Variants in LUC7L3 observed in about 807,000 individuals in gnomAD.
LUC7L3 encodes the protein luc7-like protein 3.
In LUC7L3, 6 loss-of-function variants were observed where a neutral mutation model predicts 66.8. That is an observed-to-expected ratio of 0.09 (90% CI 0.05 to 0.18). LUC7L3 has a LOEUF of 0.18. LUC7L3 is among the 10% of genes least tolerant of loss of function. The pLI is 1.00. For missense variants in LUC7L3, 341 were observed against 531.1 expected, an observed-to-expected ratio of 0.64 and a Z score of 3.52; for synonymous variants, 160 against 174.7, an observed-to-expected ratio of 0.92 and a Z score of 0.66.
chr17:50,744,555 T>G (rs1232390601), intron 6 of LUC7L3, 97 bp from the exon 7 acceptor site: 1 of 1,132,746 alleles, frequency 8.8e-7, no homozygotes, highest in African/African-American at 1.6e-5. Flanking sequence ...AAAGAGCAAT[T>G]CACACACATT....
chr17:50,745,635 C>A, intron 7 of LUC7L3, 85 bp from the exon 8 acceptor site: 1 of 1,051,348 alleles, frequency 9.5e-7, no homozygotes, highest in Non-Finnish European at 1.4e-6. Flanking sequence ...ATAAGTTGGT[C>A]TACAGATAAC....
intron 2 of LUC7L3, among the ~76,000 whole-genome samples, chr17:50,739,070 T>G (rs1970177097): frequency 1.3e-5 from 2 of 152,100 alleles, no homozygotes; most frequent in South Asian, 4.2e-4. Flanking sequence ...CTCAACTGAT[T>G]TATCTCCCAC....
chr17:50,745,830 A>G lies in LUC7L3; in HGVS notation c.804A>G (p.Arg268=). Residue 268 remains arginine (R), a synonymous_variant, in exon 8 of 10, where the codon AGA becomes AGG. Coordinates refer to ENST00000505658, the MANE Select transcript of LUC7L3 (RefSeq NM_016424.5). ...EKEREREREE[R]ERKRRREEEE... ...AACGGGAGAGAGAAAGGGAAGAAAG[A>G]GAAAGGAAAAGACGAAGGGAAGAGG... is the stretch of plus-strand genomic sequence containing the variant. 2 of 1,586,270 alleles carry G rather than the reference A, an allele frequency of 1.3e-6. No individual in the cohort carries two copies. The highest frequency in any genetic ancestry group is 1.7e-6 in the Non-Finnish European group (2 of 1,159,790).
chr17:50,745,184 G>A (rs1460539752), intron 7 of LUC7L3, among the ~76,000 whole-genome samples: 2 of 151,870 alleles, frequency 1.3e-5, no homozygotes, highest in Admixed American at 1.3e-4. Context: ...ATAGAGACGG[G>A]GTTTTTTCCT....
chr17:50,733,523 T>C (rs1179207469), intron 1 of LUC7L3, among the ~76,000 whole-genome samples: 1 of 149,842 alleles, frequency 6.7e-6, no homozygotes, highest in African/African-American at 2.5e-5. Flanking sequence ...TGCCTCAGCC[T>C]CCCGAGTAGC....
chr17:50,725,263 A>G (rs1159398422), intron 1 of LUC7L3, among the ~76,000 whole-genome samples: 1 of 152,186 alleles, frequency 6.6e-6, no homozygotes, highest in Non-Finnish European at 1.5e-5. Context: ...TACAAAAATT[A>G]GCCAGGTGTG....
chr17:50,738,091 C>T (rs1970096696), intron 2 of LUC7L3: 2 of 447,956 alleles, frequency 4.5e-6, no homozygotes, highest in South Asian at 3.2e-5. Context: ...GTGGGGCTCT[C>T]CTCTGCCCTG....
chr17:50,724,182 A>C (rs576914432), intron 1 of LUC7L3: 1 of 259,624 alleles, frequency 3.9e-6, no homozygotes, highest in African/African-American at 2.3e-5. Flanking sequence ...GTTATTGTCA[A>C]CCTTAAAGCG....
chr17:50,727,010 A>AG (rs1477522192), intron 1 of LUC7L3, among the ~76,000 whole-genome samples: 1 of 151,806 alleles, frequency 6.6e-6, no homozygotes, highest in Admixed American at 6.6e-5. Context: ...AATTTCTTGA[A>AG]CCCGGGAGGC....
At chr17:50,740,392 T>C (rs1970275230) in intron 3 of LUC7L3, 47 bp downstream of exon 3, 4 of 1,538,444 alleles carry the variant, frequency 2.6e-6, no homozygotes, top group East Asian at 2.3e-5. Flanking sequence ...TATTAGTTGG[T>C]TTAAGTGGGA....
At chr17:50,737,276 A>T (rs1299064022) in intron 2 of LUC7L3, 1 of 601,784 alleles carries the variant, frequency 1.7e-6, no homozygotes, top group South Asian at 1.6e-5. Context: ...AATGAAAAAA[A>T]TTTTAAAAAG....
At chr17:50,745,020 C>T (rs1188113342) in intron 7 of LUC7L3, among the ~76,000 whole-genome samples, 3 of 151,940 alleles carry the variant, frequency 2.0e-5, no homozygotes, top group African/African-American at 7.3e-5. Flanking sequence ...GAGACAGTCT[C>T]GCTTTGTTAC....
At chr17:50,729,155 T>C (rs917125323) in intron 1 of LUC7L3, among the ~76,000 whole-genome samples, 1 of 152,148 alleles carries the variant, frequency 6.6e-6, no homozygotes, top group African/African-American at 2.4e-5. Context: ...TTGAGATAAA[T>C]TTGAGGTATA....
intron 1 of LUC7L3, among the ~76,000 whole-genome samples, chr17:50,729,476 G>A (rs986584021): frequency 6.6e-6 from 1 of 151,896 alleles, no homozygotes; most frequent in African/African-American, 2.4e-5. Context: ...CCTTATTCCA[G>A]TTCAGGGTGG....
intron 7 of LUC7L3, 39 bp from the exon 8 acceptor site, chr17:50,745,681 A>T: frequency 6.6e-7 from 1 of 1,525,356 alleles, no homozygotes; most frequent in Non-Finnish European, 8.8e-7. Flanking sequence ...CAATGCTTTA[A>T]AGTTACATTT....
In LUC7L3 at chr17:50,752,971, AGCTGGCTAGCTAT is replaced by A. The variant is rs1971040907; in HGVS notation, c.*2312_*2324del. On this transcript the variant is annotated 3_prime_UTR_variant, in exon 10 of 10. Transcript: ENST00000505658. ...CCAAGTATCCTGACAAGCACTCTTT[AGCTGGCTAGCTAT>A]GGGATGATGTAGAAAAGCATTCAAG... 6.6e-6 allele frequency: 1 copy of A among 152,122 alleles called. No homozygotes were observed. Among genetic ancestry groups the A allele is most frequent in the African/African-American group, 2.4e-5 (1 of 41,406 alleles). The allele number at this position is 152,122 out of a possible 1,614,324, so 9.4% of individuals were successfully genotyped here. A position where few individuals can be genotyped will look rare whatever the true frequency, so the allele number is the denominator to read the frequency against.
At chr17:50,749,548 C>T (rs908457063) in intron 9 of LUC7L3, among the ~76,000 whole-genome samples, 9 of 152,170 alleles carry the variant, frequency 5.9e-5, no homozygotes, top group Non-Finnish European at 1.3e-4. Flanking sequence ...CATCTCTTTC[C>T]TAGATATTTG....
intron 9 of LUC7L3, among the ~76,000 whole-genome samples, chr17:50,749,513 C>T (rs1970875402): frequency 6.6e-6 from 1 of 152,150 alleles, no homozygotes; most frequent in South Asian, 2.1e-4. Context: ...GTGCCCCTCC[C>T]ATACCATGTT....
At position 50,743,729 on chromosome 17, in the gene LUC7L3, A is replaced by G. The variant is rs1387480868; in HGVS notation, c.450A>G (p.Gly150=). ...AGATTGAAGAATTAGGGTCTGAAGG[A>G]AAAGTAGAAGAAGCCCAGGGGATGA... ...LQQIEELGSE[G]KVEEAQGMMK... Residue 150 remains glycine, a synonymous_variant, in exon 6 of 10, where the codon GGA becomes GGG. Coordinates refer to ENST00000505658, the MANE Select transcript of LUC7L3 (RefSeq NM_016424.5). 6.2e-7 allele frequency: 1 copy of G among 1,612,786 alleles called. No individual in the cohort carries two copies. Among genetic ancestry groups the G allele is most frequent in the African/African-American group, 1.3e-5 (1 of 74,876 alleles).
Sources: gnomAD v4.1 joint callset for allele counts (sites outside exome capture counted in the v4.1 genomes callset) on GRCh38, gnomAD v4.1.1 for gene constraint, MANE v1.5 for transcripts, NCBI Gene and HGNC (gene_info 2026-07-23, HGNC 2026-07-21) for gene names.